EFHD1: variants seen among roughly 807,000 people sequenced by gnomAD.
EFHD1 encodes the protein EF-hand domain family member D1, also known as EF-hand domain-containing protein D1.
EFHD1 carries 10 observed loss-of-function variants against 17.2 expected under a neutral mutation model. The observed-to-expected ratio is 0.58, with a 90% CI of 0.36 to 0.99. The LOEUF (loss-of-function observed/expected upper bound fraction) is 0.99, where lower values mean the gene tolerates loss of function less well. Ranked by LOEUF, EFHD1 falls within the 50% of genes least tolerant of loss-of-function variation. The probability of loss-of-function intolerance (pLI) is 0.01; values close to 1 mark genes in which losing one functional copy is unlikely to be tolerated. For missense variants in EFHD1, 310 were observed against 327.5 expected, an observed-to-expected ratio of 0.95 and a Z score of 0.41; for synonymous variants, 153 against 142.0, an observed-to-expected ratio of 1.08 and a Z score of -0.55.
intron 3 of EFHD1, among the ~76,000 whole-genome samples, chr2:232,675,690 A>T (rs1197738463): frequency 6.6e-6 from 1 of 152,038 alleles, no homozygotes; most frequent in Non-Finnish European, 1.5e-5. Context: ...GACAGTTTAG[A>T]CTCAGGGAAG....
At chr2:232,628,611 C>T (rs1305340402), upstream of EFHD1, among the ~76,000 whole-genome samples, 6 of 152,254 alleles carry the variant, frequency 3.9e-5, no homozygotes, top group South Asian at 4.1e-4. Flanking sequence ...ACTGACCTAT[C>T]GGGGCTGAAA....
chr2:232,681,905 G>C lies in EFHD1; in HGVS notation c.*186G>C. 1.1e-6 allele frequency: 1 copy of C among 908,514 alleles called. No individual in the cohort carries two copies. Among genetic ancestry groups the C allele is most frequent in the Non-Finnish European group, 1.6e-6 (1 of 634,106 alleles). 56.3% of individuals were successfully genotyped at this position (908,514 alleles called of 1,614,324 possible). ...CCAAGCCCCTCCAGGAGGGTCCTGG[G>C]GTGGGCCAGATGCCTGCCCACCTCT... On this transcript the variant is annotated 3_prime_UTR_variant, in exon 4 of 4. Coordinates refer to ENST00000264059, the MANE Select transcript of EFHD1 (RefSeq NM_025202.4).
intron 1 of EFHD1, among the ~76,000 whole-genome samples, chr2:232,641,189 C>T (rs569118229): frequency 6.6e-6 from 1 of 152,048 alleles, no homozygotes; most frequent in East Asian, 1.9e-4. Flanking sequence ...ACTACAGGCA[C>T]GACCACCATG....
chr2:232,633,606 A>G lies in EFHD1; in HGVS notation c.-99A>G. On this transcript the variant is annotated 5_prime_UTR_variant, in exon 1 of 4. Coordinates refer to ENST00000264059, the MANE Select transcript of EFHD1 (RefSeq NM_025202.4). ...CGCCGGGTCCCCGCCGCCTCGGCGGAGTGTTGTAGAGCCTCGAGCCTGCGA... is the reference window on the plus strand; with the variant it reads ...CGCCGGGTCCCCGCCGCCTCGGCGGGGTGTTGTAGAGCCTCGAGCCTGCGA... 1 of 1,300,898 alleles carries G rather than the reference A, an allele frequency of 7.7e-7. No homozygotes were observed. Among genetic ancestry groups the G allele is most frequent in the Non-Finnish European group, 9.7e-7 (1 of 1,028,472 alleles). 80.6% of individuals were successfully genotyped at this position (1,300,898 alleles called of 1,614,324 possible).
chr2:232,667,650 T>G (rs1694993266), intron 2 of EFHD1, among the ~76,000 whole-genome samples: 1 of 152,146 alleles, frequency 6.6e-6, no homozygotes, highest in South Asian at 2.1e-4. Flanking sequence ...CCTCCCGGGT[T>G]CAAACGATTC....
chr2:232,654,004 C>T (rs575267046), intron 1 of EFHD1, among the ~76,000 whole-genome samples: 3 of 152,098 alleles, frequency 2.0e-5, no homozygotes, highest in Non-Finnish European at 2.9e-5. Flanking sequence ...GTCAGGAGTT[C>T]GAGACCAGCC....
intron 1 of EFHD1, among the ~76,000 whole-genome samples, chr2:232,634,583 G>T (rs192902518): frequency 1.3e-5 from 2 of 152,308 alleles, no homozygotes; most frequent in African/African-American, 4.8e-5. Flanking sequence ...CGCGGGGAGG[G>T]GGGGCGGTTG....
intron 1 of EFHD1, among the ~76,000 whole-genome samples, chr2:232,626,141 A>G (rs1396884799): frequency 6.6e-6 from 1 of 152,236 alleles, no homozygotes; most frequent in Non-Finnish European, 1.5e-5. Context: ...GCAGTGAGCC[A>G]TGATCACAAC....
Position 232,633,833 on chromosome 2 carries a change from C to G in EFHD1, c.129C>G (p.Pro43=). Residue 43 remains proline, a synonymous_variant, in exon 1 of 4, where the codon CCC becomes CCG. Transcript: ENST00000264059. Reference sequence around the variant, plus strand: ...AGCCCAAGCCCGAGCCCGAGCCTCCCGCCCGTGCGCCCACGGCCAGCGCCG... The same window carrying G: ...AGCCCAAGCCCGAGCCCGAGCCTCCGGCCCGTGCGCCCACGGCCAGCGCCG... ...APEPKPEPEP[P]ARAPTASADA... 6.7e-7 allele frequency: 1 copy of G among 1,482,298 alleles called. No individual in the cohort carries two copies. Among genetic ancestry groups the G allele is most frequent in the South Asian group, 1.3e-5 (1 of 77,802 alleles). The allele number at this position is 1,482,298 out of a possible 1,614,324, so 91.8% of individuals were successfully genotyped here. A position where few individuals can be genotyped will look rare whatever the true frequency, so the allele number is the denominator to read the frequency against.
At chr2:232,646,505 C>A (rs1047819684) in intron 1 of EFHD1, among the ~76,000 whole-genome samples, 2 of 125,046 alleles carry the variant, frequency 1.6e-5, no homozygotes, top group African/African-American at 6.1e-5. Flanking sequence ...AGTACAGTGG[C>A]ATGATCTCCG....
rs374098430 is a variant in EFHD1 at position 232,662,809 on chromosome 2, G to A, written c.310G>A (p.Ala104Thr). The change falls in exon 2 of 4, where the codon GCT (alanine) becomes ACT (threonine). Residue 104 changes from alanine (A) to threonine (T), a missense_variant. Ala to Thr is a moderately conservative substitution (Grantham distance 58, BLOSUM62 0). Transcript: ENST00000264059. ...DLESMFKLYDAGRDGFIDLME... is the reference protein window; with the variant it reads ...DLESMFKLYDTGRDGFIDLME... ...ATTCCTTTGACCCTGCAGGTATGAC[G>A]CTGGGCGGGATGGCTTCATCGACCT... 7 of 1,577,118 alleles carry A rather than the reference G, an allele frequency of 4.4e-6. No individual in the cohort carries two copies. The African/African-American group carries it at 5.5e-5, about 12-fold the overall frequency.
At chr2:232,679,004 C>T (rs1321235645) in intron 3 of EFHD1, among the ~76,000 whole-genome samples, 2 of 152,094 alleles carry the variant, frequency 1.3e-5, no homozygotes, top group African/African-American at 4.8e-5. Flanking sequence ...GTTTTCATGT[C>T]CATGTGTGAA....
At chr2:232,609,848 C>T (rs1353039047) in intron 1 of EFHD1, among the ~76,000 whole-genome samples, 5 of 152,212 alleles carry the variant, frequency 3.3e-5, no homozygotes, top group South Asian at 2.1e-4. Context: ...TGCAGGGACC[C>T]GGCCAGGGGA....
chr2:232,669,194 G>A (rs1326425959), intron 2 of EFHD1, among the ~76,000 whole-genome samples: 2 of 152,124 alleles, frequency 1.3e-5, no homozygotes, highest in African/African-American at 4.8e-5. Context: ...TTCTTGGGGG[G>A]CCTGGCCTCC....
intron 2 of EFHD1, among the ~76,000 whole-genome samples, chr2:232,666,415 G>C (rs1159794318): frequency 6.6e-6 from 1 of 152,232 alleles, no homozygotes; most frequent in Non-Finnish European, 1.5e-5. Context: ...CTTTTGCTTT[G>C]GTGAAGCTTT....
At chr2:232,648,373 G>A (rs748487087) in intron 1 of EFHD1, among the ~76,000 whole-genome samples, 1 of 152,188 alleles carries the variant, frequency 6.6e-6, no homozygotes, top group African/African-American at 2.4e-5. Context: ...CAGTCTGCAT[G>A]CAGCTAGAGC....
chr2:232,642,730 T>TCTGTTCCCGAGGGTCACCTGCAG (rs1440846517), intron 1 of EFHD1, among the ~76,000 whole-genome samples: 1 of 152,140 alleles, frequency 6.6e-6, no homozygotes, highest in Non-Finnish European at 1.5e-5. Context: ...CCGATGCTGT[T>TCTGTTCCCGAGGGTCACCTGCAG]CTGTTCCCGA....
chr2:232,677,212 A>T (rs891627554), intron 3 of EFHD1, among the ~76,000 whole-genome samples: 2 of 62,148 alleles, frequency 3.2e-5, no homozygotes, highest in East Asian at 1.5e-3. Context: ...ATCTCTACAC[A>T]CACACACACA....
intron 1 of EFHD1, among the ~76,000 whole-genome samples, chr2:232,626,208 T>A (rs564405605): frequency 6.5e-4 from 98 of 151,404 alleles, no homozygotes; most frequent in African/African-American, 1.5e-3. Flanking sequence ...AAGAAAAAAA[T>A]ATATATATAT....
Sources: allele counts gnomAD v4.1 joint callset (sites outside exome capture counted in the v4.1 genomes callset), GRCh38; gene constraint gnomAD v4.1.1; transcripts MANE v1.5; gene names NCBI Gene and HGNC (gene_info 2026-07-23, HGNC 2026-07-21).